NCOA2: variants seen among roughly 807,000 people sequenced by gnomAD.
NCOA2 encodes nuclear receptor coactivator 2, also known as class E basic helix-loop-helix protein 75.
A neutral mutation model predicts 145.1 loss-of-function variants in NCOA2; 21 were observed. The observed-to-expected ratio is 0.14, with a 90% confidence interval of 0.10 to 0.21. The LOEUF (loss-of-function observed/expected upper bound fraction) is 0.21, where lower values mean the gene tolerates loss of function less well. Among genes scored for constraint, NCOA2 ranks in the 10% least tolerant of loss-of-function variants. The pLI is 1.00. For missense variants in NCOA2, 1,472 were observed against 1,837.6 expected (o/e 0.80, Z 3.64); for synonymous variants, 619 against 637.5 (o/e 0.97, Z 0.44).
intron 2 of NCOA2, among the ~76,000 whole-genome samples, chr8:70,283,782 C>A (rs563669234): frequency 9.2e-5 from 14 of 152,206 alleles, no homozygotes; most frequent in Middle Eastern, 3.4e-3. Context: ...GCATTGCACT[C>A]GCTAGTTGGC....
At chr8:70,149,848 C>T (rs1811552555) in intron 11 of NCOA2, among the ~76,000 whole-genome samples, 2 of 151,976 alleles carry the variant, frequency 1.3e-5, no homozygotes, top group Non-Finnish European at 1.5e-5. Context: ...ACTTTGAATC[C>T]TTGACCACAA....
intron 1 of NCOA2, among the ~76,000 whole-genome samples, chr8:70,353,446 CA>C (rs548359273): frequency 2.1e-4 from 30 of 145,730 alleles, no homozygotes; most frequent in African/African-American, 7.4e-4. Flanking sequence ...ACTTTTTCTC[CA>C]AAAAAAAGTT....
At chr8:70,205,376 A>G (rs1376963105) in intron 4 of NCOA2, among the ~76,000 whole-genome samples, 4 of 152,174 alleles carry the variant, frequency 2.6e-5, no homozygotes, top group Non-Finnish European at 4.4e-5. Context: ...AATAATAAGT[A>G]GTCTAGGGTA....
chr8:70,219,956 G>C (rs1820000885), intron 2 of NCOA2, among the ~76,000 whole-genome samples: 1 of 152,164 alleles, frequency 6.6e-6, no homozygotes, highest in Admixed American at 6.5e-5. Context: ...ATAAAAACCA[G>C]AGAGAGATAG....
At chr8:70,421,151 A>T in the NCOA2 span, among the ~76,000 whole-genome samples, 2 of 152,188 alleles carry the variant, frequency 1.3e-5, no homozygotes, top group Non-Finnish European at 2.9e-5. Context: ...AAACACAGCA[A>T]GTGTATTAGG....
intron 2 of NCOA2, among the ~76,000 whole-genome samples, chr8:70,230,561 A>G (rs1206996046): frequency 6.6e-6 from 1 of 152,250 alleles, no homozygotes; most frequent in East Asian, 1.9e-4. Flanking sequence ...ATAAATAGAT[A>G]GTTTGCAAGT....
chr8:70,295,051 T>C (rs967149978), intron 2 of NCOA2, among the ~76,000 whole-genome samples: 2 of 152,052 alleles, frequency 1.3e-5, no homozygotes, highest in East Asian at 1.9e-4. Context: ...AGCAAATGTC[T>C]GAAAAAGGTA....
chr8:70,334,858 C>T (rs1586524903), intron 1 of NCOA2, among the ~76,000 whole-genome samples: 1 of 152,068 alleles, frequency 6.6e-6, no homozygotes, highest in Non-Finnish European at 1.5e-5. Flanking sequence ...GGCGCAGTGG[C>T]ATGTGCCTGT....
intron 1 of NCOA2, among the ~76,000 whole-genome samples, chr8:70,312,497 G>T (rs1280446273): frequency 6.6e-6 from 1 of 152,116 alleles, no homozygotes; most frequent in Non-Finnish European, 1.5e-5. Context: ...TCACAAATTT[G>T]CTGACTGATA....
At chr8:70,162,902 A>C in intron 8 of NCOA2, 48 bp from the exon 9 acceptor site, 2 of 1,224,200 alleles carry the variant, frequency 1.6e-6, no homozygotes, top group Non-Finnish European at 2.2e-6. Context: ...TCTATTCTTT[A>C]TGGAAATAAT....
intron 2 of NCOA2, among the ~76,000 whole-genome samples, chr8:70,281,047 A>G (rs1044815450): frequency 6.6e-6 from 1 of 152,018 alleles, no homozygotes; most frequent in African/African-American, 2.4e-5. Context: ...ACTGGGAACC[A>G]GTTATTAAAA....
the NCOA2 span, among the ~76,000 whole-genome samples, chr8:70,410,179 C>T: frequency 6.6e-6 from 1 of 152,044 alleles, no homozygotes; most frequent in Non-Finnish European, 1.5e-5. Flanking sequence ...CAGTGCACTA[C>T]AGCCTGAGTG....
rs113064939 is a variant in NCOA2, at chr8:70,382,545, T to C, written c.-77+21155A>G. On this transcript the variant is annotated intron_variant, in intron 1 of 22. Transcript: ENST00000452400. ...AGGTCCACCAACAGTTTTATCTAGA[T>C]ACAAACAGCAGCTATTAGGCATTGT... 3.1e-3 allele frequency among the ~76,000 whole-genome samples: 468 copies of C among 152,292 alleles called. 5 individuals carry two copies. Among genetic ancestry groups the C allele is most frequent in the African/African-American group, 0.011 (455 of 41,562 alleles).
intron 1 of NCOA2, among the ~76,000 whole-genome samples, chr8:70,393,371 C>CT (rs1489908210): frequency 6.6e-6 from 1 of 152,200 alleles, no homozygotes; most frequent in African/African-American, 2.4e-5. Context: ...ACATGAGCTC[C>CT]TGGTGGGATA....
At chr8:70,307,809 C>T (rs1471071952) in intron 1 of NCOA2, among the ~76,000 whole-genome samples, 1 of 152,202 alleles carries the variant, frequency 6.6e-6, no homozygotes, top group East Asian at 1.9e-4. Flanking sequence ...AATACGCTTG[C>T]ATGGTAGTGC....
At chr8:70,233,904 C>T (rs866899886) in intron 2 of NCOA2, among the ~76,000 whole-genome samples, 1 of 151,958 alleles carries the variant, frequency 6.6e-6, no homozygotes, top group Non-Finnish European at 1.5e-5. Context: ...TTAATATATA[C>T]ATTAAAAAGT....
the NCOA2 span, among the ~76,000 whole-genome samples, chr8:70,426,307 A>G: frequency 6.6e-6 from 1 of 152,370 alleles, no homozygotes; most frequent in African/African-American, 2.4e-5. Context: ...AAACATTCAT[A>G]CTAAAATAAA....
chr8:70,296,083 T>C (rs1827070935), intron 2 of NCOA2, among the ~76,000 whole-genome samples: 1 of 152,252 alleles, frequency 6.6e-6, no homozygotes, highest in South Asian at 2.1e-4. Flanking sequence ...CTTTACTGTA[T>C]ACCAGGCACC....
At chr8:70,440,034 C>T in the NCOA2 span, among the ~76,000 whole-genome samples, 1 of 152,180 alleles carries the variant, frequency 6.6e-6, no homozygotes, top group African/African-American at 2.4e-5. Context: ...CTTGTTGTCT[C>T]CAAACCAGCA....
Sources: gnomAD v4.1 joint callset for allele counts (sites outside exome capture counted in the v4.1 genomes callset) on GRCh38, gnomAD v4.1.1 for gene constraint, MANE v1.5 for transcripts, NCBI Gene and HGNC (gene_info 2026-07-23, HGNC 2026-07-21) for gene names.